The following SLC15A5 variants were observed in gnomAD, a reference collection of about 807,000 sequenced individuals.
SLC15A5 encodes the protein Peptide/histidine transporter ENSP00000340402.
SLC15A5 carries 58 observed loss-of-function variants against 56.1 expected under a neutral mutation model. That is an observed-to-expected ratio of 1.03 (90% CI 0.84 to 1.29). The LOEUF (loss-of-function observed/expected upper bound fraction) is 1.29, where lower values mean the gene tolerates loss of function less well. SLC15A5 is among the 50% of genes most tolerant of loss of function. SLC15A5 has a pLI of 0.00. For missense variants in SLC15A5, 681 were observed against 672.1 expected (o/e 1.01, Z -0.15); for synonymous variants, 264 against 250.5 (o/e 1.05, Z -0.51).
chr12:16,203,425 T>A (rs1296949029), intron 7 of SLC15A5, among the ~76,000 whole-genome samples: 1 of 152,144 alleles, frequency 6.6e-6, no homozygotes, highest in Non-Finnish European at 1.5e-5. Context: ...GATTTAATAT[T>A]GAAAAATTTA....
chr12:16,233,983 G>C (rs535539070), intron 5 of SLC15A5, among the ~76,000 whole-genome samples: 1 of 152,264 alleles, frequency 6.6e-6, no homozygotes, highest in Admixed American at 6.5e-5. Flanking sequence ...TATTGTCTTA[G>C]TTTGCTTGTG....
chr12:16,226,846 C>T lies in SLC15A5; in HGVS notation c.1163-2244G>A, dbSNP rs59960562. Among the ~76,000 whole-genome samples, 797 of 152,164 alleles carry T rather than the reference C, an allele frequency of 5.2e-3. 9 individuals are homozygous for T. The highest frequency in any genetic ancestry group is 0.018 in the African/African-American group (745 of 41,548). ...AGCATTCATATTACTGGACTTAATCCTTTCGTTAGAGTGGAGGCAAACTTT... is the reference window on the plus strand; with the variant it reads ...AGCATTCATATTACTGGACTTAATCTTTTCGTTAGAGTGGAGGCAAACTTT... On this transcript the variant is annotated intron_variant, in intron 5 of 8. Transcript: ENST00000344941.
At chr12:16,215,246 C>G (rs1003418958) in intron 7 of SLC15A5, among the ~76,000 whole-genome samples, 2 of 135,364 alleles carry the variant, frequency 1.5e-5, no homozygotes, top group African/African-American at 2.7e-5. Context: ...TGAGGATAGT[C>G]TTGGGGAGAA....
At chr12:16,249,930 A>C (rs1408684197) in intron 3 of SLC15A5, among the ~76,000 whole-genome samples, 1 of 151,868 alleles carries the variant, frequency 6.6e-6, no homozygotes, top group Non-Finnish European at 1.5e-5. Flanking sequence ...GCTATTGGGG[A>C]CTTTTTGCAT....
rs1863896529 is a variant in SLC15A5, at chr12:16,196,597, T to G, written c.1484-2144A>C. Among the ~76,000 whole-genome samples, 1 of 152,144 alleles carries G rather than the reference T, an allele frequency of 6.6e-6. No homozygotes were observed. Among genetic ancestry groups the G allele is most frequent in the Non-Finnish European group, 1.5e-5 (1 of 68,014 alleles). On this transcript the variant is annotated intron_variant, in intron 7 of 8. Coordinates refer to ENST00000344941, the MANE Select transcript of SLC15A5 (RefSeq NM_001170798.1). The surrounding 1 kb of genome is among the most constrained non-coding windows in gnomAD (Gnocchi z 4.0). Reference sequence around the variant, plus strand: ...TAATATCCCAATTGTATTTCTGTCCTTTTCATTTCACATCAGCACTTTGCA... The same window carrying G: ...TAATATCCCAATTGTATTTCTGTCCGTTTCATTTCACATCAGCACTTTGCA...
At chr12:16,219,970 T>A (rs908777654) in intron 6 of SLC15A5, among the ~76,000 whole-genome samples, 3 of 152,148 alleles carry the variant, frequency 2.0e-5, no homozygotes, top group Non-Finnish European at 2.9e-5. Flanking sequence ...CATCACAGCA[T>A]ATGAGGAATC....
At chr12:16,248,659 C>G (rs568838016) in intron 3 of SLC15A5, among the ~76,000 whole-genome samples, 2 of 152,228 alleles carry the variant, frequency 1.3e-5, no homozygotes, top group East Asian at 3.9e-4. Context: ...ACATTTACAT[C>G]TAAACATCAT....
chr12:16,219,422 A>G (rs1215915099), intron 6 of SLC15A5, among the ~76,000 whole-genome samples: 1 of 152,212 alleles, frequency 6.6e-6, no homozygotes, highest in African/African-American at 2.4e-5. Context: ...TCCTTTCCAT[A>G]AGTACAAGGA....
Position 16,272,578 on chromosome 12 carries a change from CGT to C in SLC15A5, c.565_566del (p.Thr189AspfsTer5), listed in dbSNP as rs1491106958. 1 of 1,536,696 alleles carries C rather than the reference CGT, an allele frequency of 6.5e-7. No individual in the cohort carries two copies. Reference protein sequence around the residue: ...FGLQEYGSQKTMSFFNWFYWL... With the variant: ...FGLQEYGSQKXMSFFNWFYWL... ...CTACTTACCAGTTAAAAAAAGACAT[CGT>C]TTTTTGTGATCCATACTCCTGAAGG... On this transcript the variant is annotated frameshift_variant, in exon 2 of 9. Coordinates refer to ENST00000344941, the MANE Select transcript of SLC15A5 (RefSeq NM_001170798.1). LOFTEE classifies it high-confidence loss of function.
chr12:16,250,658 T>C (rs544887209), intron 3 of SLC15A5, among the ~76,000 whole-genome samples: 95 of 152,064 alleles, frequency 6.2e-4, no homozygotes, highest in Non-Finnish European at 1.0e-3. Flanking sequence ...TAAGTAAGAT[T>C]AGGATAAGTT....
At chr12:16,247,690 A>G (rs143196470) in intron 3 of SLC15A5, among the ~76,000 whole-genome samples, 175 of 152,224 alleles carry the variant, frequency 1.1e-3, no homozygotes, top group Admixed American at 1.8e-3. Context: ...GGGTTCAGAA[A>G]GCATAAAGGC....
At chr12:16,193,743 T>C (rs1303610241) in intron 8 of SLC15A5, among the ~76,000 whole-genome samples, 1 of 128,536 alleles carries the variant, frequency 7.8e-6, no homozygotes, top group East Asian at 2.4e-4. Context: ...TAGAGAATTT[T>C]CTCAAAAGTA....
chr12:16,225,449 C>G (rs1271905729), intron 5 of SLC15A5, among the ~76,000 whole-genome samples: 1 of 152,124 alleles, frequency 6.6e-6, no homozygotes, highest in Non-Finnish European at 1.5e-5. Flanking sequence ...CCAAAATTGG[C>G]AAATGGGATC....
Position 16,267,723 on chromosome 12 carries a change from C to A in SLC15A5, c.584+4838G>T, listed in dbSNP as rs1373723805. ...CATTCTTTTGCCAACAACCCCCGCC[C>A]ACCCCCCACCTTTTTTTTTTTTTTT... On this transcript the variant is annotated intron_variant, in intron 2 of 8. Transcript: ENST00000344941. 4.5e-5 allele frequency among the ~76,000 whole-genome samples: 3 copies of A among 67,090 alleles called. 1 individual carries two copies. The highest frequency in any genetic ancestry group is 8.6e-5 in the Non-Finnish European group (3 of 34,784). 44.0% of individuals were successfully genotyped at this position (67,090 alleles called of 152,430 possible). A position where few individuals can be genotyped will look rare whatever the true frequency, so the allele number is the denominator to read the frequency against.
intron 6 of SLC15A5, among the ~76,000 whole-genome samples, chr12:16,223,026 TATA>T (rs1467965066): frequency 6.6e-6 from 1 of 151,846 alleles, no homozygotes; most frequent in Non-Finnish European, 1.5e-5. Flanking sequence ...GATATACAAT[TATA>T]AAAAAAGAAG....
At chr12:16,231,447 A>G (rs1256491581) in intron 5 of SLC15A5, among the ~76,000 whole-genome samples, 2 of 152,364 alleles carry the variant, frequency 1.3e-5, no homozygotes, top group East Asian at 3.9e-4. Flanking sequence ...CTACAATCTA[A>G]ACTGACAGCT....
In SLC15A5 at chr12:16,233,426, A is replaced by G. The variant is rs574656785; in HGVS notation, c.1162+6255T>C. 9.7e-4 allele frequency among the ~76,000 whole-genome samples: 148 copies of G among 152,268 alleles called. 2 individuals are homozygous for G. In the South Asian group the frequency reaches 0.014, roughly 14 times the overall value. On this transcript the variant is annotated intron_variant, in intron 5 of 8. Coordinates refer to ENST00000344941, the MANE Select transcript of SLC15A5 (RefSeq NM_001170798.1). The stretch of plus-strand genomic sequence containing the variant: ...TTATTTCTTTTGGAAGGGTGATGCA[A>G]TTTCAATTAATTAGAGTTTAAAGGT...
Position 16,259,546 on chromosome 12 carries a change from G to T in SLC15A5, c.585-1676C>A, listed in dbSNP as rs573517168. On this transcript the variant is annotated intron_variant, in intron 2 of 8. Transcript: ENST00000344941. ...TTGAGAAGAAAGAAAATGTTTAGAAGTTGTAATCTGAAGGAGAAGGAGAGA... is the reference window on the plus strand; with the variant it reads ...TTGAGAAGAAAGAAAATGTTTAGAATTTGTAATCTGAAGGAGAAGGAGAGA... 2.0e-5 allele frequency among the ~76,000 whole-genome samples: 3 copies of T among 152,296 alleles called. 1 individual carries two copies. In the South Asian group the frequency reaches 6.2e-4, roughly 32 times the overall value.
chr12:16,189,399 G>A lies in SLC15A5; in HGVS notation c.*269C>T, dbSNP rs58462934. 0.011 allele frequency: 2,339 copies of A among 210,848 alleles called. 60 individuals are homozygous for A. The highest frequency in any genetic ancestry group is 0.057 in the African/African-American group (2,177 of 38,324). 13.1% of individuals were successfully genotyped at this position (210,848 alleles called of 1,614,324 possible). A position where few individuals can be genotyped will look rare whatever the true frequency, so the allele number is the denominator to read the frequency against. On this transcript the variant is annotated 3_prime_UTR_variant, in exon 9 of 9. Coordinates refer to ENST00000344941, the MANE Select transcript of SLC15A5 (RefSeq NM_001170798.1). ...TAGAAAGCTGTAAGGTATTATTGGT[G>A]TATAGAAAACTGTCATTTTTTTTGT... is the stretch of plus-strand genomic sequence containing the variant.
Sources: allele counts gnomAD v4.1 joint callset (sites outside exome capture counted in the v4.1 genomes callset), GRCh38; gene constraint gnomAD v4.1.1; non-coding constraint Gnocchi (gnomAD v3.1); transcripts MANE v1.5; gene names NCBI Gene and HGNC (gene_info 2026-07-23, HGNC 2026-07-21).